The following ASIC2 variants were observed in gnomAD, a reference collection of about 807,000 sequenced individuals.
ASIC2 encodes acid sensing ion channel subunit 2.
Under a neutral mutation model 57.3 loss-of-function variants are expected in ASIC2, and 25 were observed. The ratio of observed to expected loss-of-function variants is 0.44; its 90% CI spans 0.32 to 0.61. ASIC2 has a LOEUF of 0.61. Among genes scored for constraint, ASIC2 ranks in the 20% least tolerant of loss-of-function variants. The pLI, the probability that ASIC2 is intolerant of heterozygous loss-of-function variation, is 0.06. For missense variants in ASIC2, 641 were observed against 738.1 expected (o/e 0.87, Z 1.52); for synonymous variants, 319 against 307.5 (o/e 1.04, Z -0.39).
chr17:33,989,307 G>A (rs1905929099), intron 1 of ASIC2, among the ~76,000 whole-genome samples: 1 of 152,102 alleles, frequency 6.6e-6, no homozygotes, highest in Admixed American at 6.5e-5. Context: ...TTTAAGCTCA[G>A]TGGAGAAAGC....
chr17:33,917,963 G>GCACACA (rs35792828), intron 1 of ASIC2, among the ~76,000 whole-genome samples: 2 of 138,520 alleles, frequency 1.4e-5, no homozygotes, highest in African/African-American at 5.6e-5. Context: ...ACGTGCATGT[G>GCACACA]CACACACACA....
intron 1 of ASIC2, among the ~76,000 whole-genome samples, chr17:33,165,159 C>G (rs942658256): frequency 6.6e-6 from 1 of 152,174 alleles, no homozygotes; most frequent in African/African-American, 2.4e-5. Context: ...TGGATGGGCA[C>G]CCCCTGTGCC....
intron 1 of ASIC2, chr17:34,118,517 C>G (rs1159218450): frequency 6.6e-6 from 1 of 152,096 alleles, no homozygotes; most frequent in Admixed American, 6.5e-5. Context: ...ATGCACTGCC[C>G]GTTAGACACA....
intron 1 of ASIC2, among the ~76,000 whole-genome samples, chr17:33,246,579 G>A (rs909909948): frequency 2.6e-5 from 4 of 152,320 alleles, no homozygotes; most frequent in East Asian, 1.9e-4. Context: ...TTGCAAGGGC[G>A]CGGCGGGGTT....
chr17:33,860,956 C>A (rs1472246746), intron 1 of ASIC2, among the ~76,000 whole-genome samples: 1 of 152,146 alleles, frequency 6.6e-6, no homozygotes, highest in African/African-American at 2.4e-5. Context: ...GATCTAGCAC[C>A]CACACTGTGT....
chr17:33,637,086 AT>A (rs1401695056), intron 1 of ASIC2, among the ~76,000 whole-genome samples: 1 of 151,372 alleles, frequency 6.6e-6, no homozygotes, highest in Non-Finnish European at 1.5e-5. Context: ...ATGCAAGATG[AT>A]TTTTTTCTAA....
intron 1 of ASIC2, among the ~76,000 whole-genome samples, chr17:33,685,707 A>G (rs1908163968): frequency 6.6e-6 from 1 of 151,826 alleles, no homozygotes; most frequent in Admixed American, 6.6e-5. Context: ...GTTTTACTGT[A>G]CCCCTTCTGG....
At chr17:33,335,106 A>G (rs1286185766) in intron 1 of ASIC2, among the ~76,000 whole-genome samples, 1 of 152,216 alleles carries the variant, frequency 6.6e-6, no homozygotes, top group African/African-American at 2.4e-5. Context: ...TTTTTACATT[A>G]AATTGTGAGA....
At chr17:33,912,868 A>C (rs1915498528) in intron 1 of ASIC2, among the ~76,000 whole-genome samples, 1 of 151,844 alleles carries the variant, frequency 6.6e-6, no homozygotes, top group African/African-American at 2.4e-5. Flanking sequence ...AATCCCAGCT[A>C]CACTGGAGGC....
chr17:33,705,842 G>T (rs1319442421), intron 1 of ASIC2, among the ~76,000 whole-genome samples: 1 of 152,112 alleles, frequency 6.6e-6, no homozygotes, highest in Non-Finnish European at 1.5e-5. Flanking sequence ...CAGAAAACTG[G>T]TACGATGTTC....
In ASIC2 at chr17:33,725,041, G is replaced by A. The variant is rs530928948; in HGVS notation, c.555+430937C>T. Among the ~76,000 whole-genome samples, 8 of 152,332 alleles carry A rather than the reference G, an allele frequency of 5.3e-5. No homozygotes were observed. The East Asian group carries it at 5.8e-4, about 11-fold the overall frequency. ...GGCAGGTTGGCAGCTTGCACTTGTC[G>A]GGACGCCCCTTCTGGATCCTCGCTC... is the stretch of plus-strand genomic sequence containing the variant. On this transcript the variant is annotated intron_variant, in intron 1 of 9. Coordinates refer to the ASIC2 transcript ENST00000359872.
chr17:33,118,632 T>G (rs1000333967), intron 1 of ASIC2, among the ~76,000 whole-genome samples: 2 of 152,104 alleles, frequency 1.3e-5, no homozygotes, highest in African/African-American at 4.8e-5. Flanking sequence ...CCGAGCAAAG[T>G]GCCAGACACC....
At chr17:34,139,015 G>A (rs1317872387) in intron 1 of ASIC2, among the ~76,000 whole-genome samples, 1 of 152,190 alleles carries the variant, frequency 6.6e-6, no homozygotes, top group Middle Eastern at 3.2e-3. Context: ...GATACATGTA[G>A]AATGATAGAA....
intron 1 of ASIC2, among the ~76,000 whole-genome samples, chr17:33,465,425 T>C (rs1281072644): frequency 7.2e-6 from 1 of 138,976 alleles, no homozygotes; most frequent in East Asian, 2.1e-4. Flanking sequence ...CAGGCTGGAG[T>C]ACAGTGGCAT....
chr17:33,447,850 T>A (rs1049219507), intron 1 of ASIC2, among the ~76,000 whole-genome samples: 2 of 147,270 alleles, frequency 1.4e-5, no homozygotes, highest in African/African-American at 2.5e-5. Context: ...AAGAGAATAA[T>A]TCAAATGTTT....
intron 1 of ASIC2, among the ~76,000 whole-genome samples, chr17:34,063,286 A>G (rs1268835034): frequency 6.6e-6 from 1 of 152,246 alleles, no homozygotes; most frequent in Non-Finnish European, 1.5e-5. Flanking sequence ...TCATCTCAAT[A>G]GATGCAGAAA....
intron 1 of ASIC2, among the ~76,000 whole-genome samples, chr17:33,456,925 A>T (rs1029280925): frequency 6.6e-6 from 1 of 152,232 alleles, no homozygotes; most frequent in African/African-American, 2.4e-5. Flanking sequence ...AAATGTGGCA[A>T]AGTGTCTAAA....
At chr17:33,314,786 G>A (rs1272296206) in intron 1 of ASIC2, among the ~76,000 whole-genome samples, 1 of 152,172 alleles carries the variant, frequency 6.6e-6, no homozygotes. Flanking sequence ...TTTATGCTTT[G>A]AAAGCACTTA....
Position 33,111,388 on chromosome 17 carries a change from G to A in ASIC2, c.859+529C>T, listed in dbSNP as rs568722855. ...ATGAATAAATGAATGCATGAAATAA[G>A]CTTTAGGGTCTATACACATGGGTCT... is the stretch of plus-strand genomic sequence containing the variant. On this transcript the variant is annotated intron_variant, in intron 2 of 9. Coordinates refer to ENST00000225823, the MANE Select transcript of ASIC2 (RefSeq NM_183377.2). Among the ~76,000 whole-genome samples the A allele has an allele frequency of 1.6e-3, 251 of 152,286 alleles. 1 individual carries two copies. The highest frequency in any genetic ancestry group is 5.7e-3 in the African/African-American group (238 of 41,560).
Sources: allele counts gnomAD v4.1 joint callset (sites outside exome capture counted in the v4.1 genomes callset), GRCh38; gene constraint gnomAD v4.1.1; transcripts MANE v1.5; gene names NCBI Gene and HGNC (gene_info 2026-07-23, HGNC 2026-07-21).